Variants in EBF3 observed in about 807,000 individuals in gnomAD.
EBF3 encodes the protein transcription factor COE3.
In EBF3, 18 loss-of-function variants were observed where a neutral mutation model predicts 77.1. That is an observed-to-expected ratio of 0.23 (90% confidence interval 0.16 to 0.35). The LOEUF is 0.35. Among genes scored for constraint, EBF3 ranks in the 10% least tolerant of loss-of-function variants. The pLI is 1.00. For missense variants in EBF3, 558 were observed against 860.0 expected (o/e 0.65, Z 4.39); for synonymous variants, 350 against 343.5 (o/e 1.02, Z -0.21).
intron 10 of EBF3, among the ~76,000 whole-genome samples, chr10:129,865,698 A>G (rs1589739447): frequency 2.0e-5 from 3 of 152,252 alleles, no homozygotes; most frequent in East Asian, 3.9e-4. Flanking sequence ...CAGCGGCAGG[A>G]TTTATATCTT....
intron 10 of EBF3, among the ~76,000 whole-genome samples, chr10:129,856,818 A>G (rs1423550511): frequency 6.6e-6 from 1 of 152,270 alleles, no homozygotes; most frequent in African/African-American, 2.4e-5. Context: ...CTTTGGGTGA[A>G]TTCTGTAATA....
At position 129,897,053 on chromosome 10, in the gene EBF3, T is replaced by C. The variant is rs1854445176; in HGVS notation, c.555-19204A>G. ...GCACCGCCAGCCTGATTGCCAGCCA[T>C]GGCCATCTCACTGCAGGCAACCTGA... On this transcript the variant is annotated intron_variant, in intron 6 of 16. Transcript: ENST00000440978. The surrounding 1 kb of genome is among the most constrained non-coding windows in gnomAD (Gnocchi z 4.6). Among the ~76,000 whole-genome samples, 1 of 152,216 alleles carries C rather than the reference T, an allele frequency of 6.6e-6. No homozygotes were observed. The highest frequency in any genetic ancestry group is 2.4e-5 in the African/African-American group (1 of 41,446).
rs1296532071 is a variant in EBF3 at position 129,837,496 on chromosome 10, C to A, written c.*447G>T. The A allele has an allele frequency of 1.2e-5, 2 of 170,834 alleles. No individual in the cohort carries two copies. Among genetic ancestry groups the A allele is most frequent in the Non-Finnish European group, 2.5e-5 (2 of 79,876 alleles). The allele number at this position is 170,834 out of a possible 1,614,324, so 10.6% of individuals were successfully genotyped here. On this transcript the variant is annotated 3_prime_UTR_variant, in exon 17 of 17. Coordinates refer to ENST00000440978, the MANE Select transcript of EBF3 (RefSeq NM_001375380.1). Reference sequence around the variant, plus strand: ...TATTTCACATTATAGAGATACACAACCATTGTGAATCTAAGTATGAGTACA... The same window carrying A: ...TATTTCACATTATAGAGATACACAAACATTGTGAATCTAAGTATGAGTACA...
intron 10 of EBF3, among the ~76,000 whole-genome samples, chr10:129,853,251 T>G (rs1851020832): frequency 6.6e-6 from 1 of 152,220 alleles, no homozygotes; most frequent in Non-Finnish European, 1.5e-5. Context: ...TCTCCATTGT[T>G]TAAGCCCAAG....
At chr10:129,914,104 C>T (rs1855708926) in intron 6 of EBF3, among the ~76,000 whole-genome samples, 1 of 152,168 alleles carries the variant, frequency 6.6e-6, no homozygotes, top group African/African-American at 2.4e-5. Context: ...GTGAGGGGTT[C>T]CTCGAAGGAC....
chr10:129,877,562 T>TA (rs138810196), intron 7 of EBF3, among the ~76,000 whole-genome samples: 30 of 151,912 alleles, frequency 2.0e-4, no homozygotes, highest in African/African-American at 4.6e-4. Flanking sequence ...GTGCCCACAT[T>TA]AGACTTGATG....
At position 129,938,995 on chromosome 10, in the gene EBF3, T is replaced by A. The variant is rs1857546008; in HGVS notation, c.554+18263A>T. The stretch of plus-strand genomic sequence containing the variant: ...CTGTCCCAAACAAATAAATGAGGGC[T>A]CTTGATGTCTTTCTTTTTCAGAGGA... On this transcript the variant is annotated intron_variant, in intron 6 of 16. Coordinates refer to ENST00000440978, the MANE Select transcript of EBF3 (RefSeq NM_001375380.1). This position sits in a 1 kb window ranked among gnomAD's most constrained non-coding sequence, Gnocchi z 5.1. 6.6e-6 allele frequency among the ~76,000 whole-genome samples: 1 copy of A among 152,198 alleles called. No homozygotes were observed.
At chr10:129,907,670 ATCTT>A (rs1382440231) in intron 6 of EBF3, among the ~76,000 whole-genome samples, 1 of 152,242 alleles carries the variant, frequency 6.6e-6, no homozygotes, top group African/African-American at 2.4e-5. Context: ...CATGTTAAAA[ATCTT>A]TCAGTTTCAG....
chr10:129,862,852 C>T (rs1009367928), intron 10 of EBF3, among the ~76,000 whole-genome samples: 8 of 152,100 alleles, frequency 5.3e-5, no homozygotes, highest in African/African-American at 1.2e-4. Flanking sequence ...CCATTTGATG[C>T]GTTTCTACGG....
intron 6 of EBF3, among the ~76,000 whole-genome samples, chr10:129,918,712 C>A (rs1387177298): frequency 6.6e-6 from 1 of 152,240 alleles, no homozygotes; most frequent in East Asian, 1.9e-4. Flanking sequence ...GATGCGCCTA[C>A]ACATCTGTGT....
chr10:129,919,357 C>G (rs1021782768), intron 6 of EBF3, among the ~76,000 whole-genome samples: 23 of 152,170 alleles, frequency 1.5e-4, no homozygotes, highest in African/African-American at 5.1e-4. Flanking sequence ...TCTGGCCCAG[C>G]AGGCAGTGGA....
At chr10:129,948,305 A>G (rs374302515) in intron 6 of EBF3, among the ~76,000 whole-genome samples, 1 of 151,184 alleles carries the variant, frequency 6.6e-6, no homozygotes, top group African/African-American at 2.4e-5. Flanking sequence ...GCTAGCCTGG[A>G]AAGACTACAT....
intron 6 of EBF3, among the ~76,000 whole-genome samples, chr10:129,912,943 G>A (rs1223469995): frequency 1.3e-5 from 2 of 152,244 alleles, no homozygotes; most frequent in Admixed American, 1.3e-4. Flanking sequence ...TCGACCTGAT[G>A]AAGTTTACTT....
intron 6 of EBF3, among the ~76,000 whole-genome samples, chr10:129,928,347 C>T (rs1589881836): frequency 6.6e-6 from 1 of 152,226 alleles, no homozygotes; most frequent in Admixed American, 6.5e-5. Flanking sequence ...TATTTCCTCA[C>T]AATCCCATTT....
In EBF3 at chr10:129,842,819, G is replaced by A. The variant is rs545024015; in HGVS notation, c.1194+318C>T. Among the ~76,000 whole-genome samples, 3 of 151,264 alleles carry A rather than the reference G, an allele frequency of 2.0e-5. No individual in the cohort carries two copies. The East Asian group carries it at 5.9e-4, about 30-fold the overall frequency. On this transcript the variant is annotated intron_variant, in intron 12 of 16. Coordinates refer to ENST00000440978, the MANE Select transcript of EBF3 (RefSeq NM_001375380.1). The surrounding 1 kb of genome is among the most constrained non-coding windows in gnomAD (Gnocchi z 4.4). ...TGCTGTGTTCTGTCCTGCATGCTGT[G>A]GGGCGCCCATCCAGCCCTCCCTGGT... is the stretch of plus-strand genomic sequence containing the variant.
At chr10:129,860,713 G>A (rs1393729528) in intron 10 of EBF3, among the ~76,000 whole-genome samples, 4 of 152,172 alleles carry the variant, frequency 2.6e-5, no homozygotes, top group Non-Finnish European at 5.9e-5. Flanking sequence ...GTCTAAAGAC[G>A]AAGCACCCTG....
At position 129,836,635 on chromosome 10, in the gene EBF3, AT is replaced by A. The variant is rs11324998; in HGVS notation, c.*1307del. The A allele has an allele frequency of 0.6, 76,019 of 126,600 alleles. 22,306 individuals are homozygous for A. The highest frequency in any genetic ancestry group is 0.83 in the African/African-American group (33,951 of 40,768). The allele number at this position is 126,600 out of a possible 1,614,324, so 7.8% of individuals were successfully genotyped here. A position where few individuals can be genotyped will look rare whatever the true frequency, so the allele number is the denominator to read the frequency against. ...GGATGGAAAGTCTAAACAATAGCAT[AT>A]TTTTTGAAGTACAAATGAAATGTAA... On this transcript the variant is annotated 3_prime_UTR_variant, in exon 17 of 17. Transcript: ENST00000440978.
chr10:129,859,437 C>G (rs1851470254), intron 10 of EBF3, among the ~76,000 whole-genome samples: 1 of 152,156 alleles, frequency 6.6e-6, no homozygotes, highest in African/African-American at 2.4e-5. Context: ...GTTGGCCAGG[C>G]TGGTCTTGAA....
At chr10:129,924,723 G>A (rs985159047) in intron 6 of EBF3, among the ~76,000 whole-genome samples, 14 of 152,140 alleles carry the variant, frequency 9.2e-5, no homozygotes, top group East Asian at 1.9e-4. Context: ...CTAGAGTGCC[G>A]TAGCATGATC....
Sources: allele counts gnomAD v4.1 joint callset (sites outside exome capture counted in the v4.1 genomes callset), GRCh38; gene constraint gnomAD v4.1.1; non-coding constraint Gnocchi (gnomAD v3.1); transcripts MANE v1.5; gene names NCBI Gene and HGNC (gene_info 2026-07-23, HGNC 2026-07-21).